TNKS: variants seen among roughly 807,000 people sequenced by gnomAD.
TNKS encodes tankyrase.
In TNKS, 72 loss-of-function variants were observed where a neutral mutation model predicts 135.8. That is an observed-to-expected ratio of 0.53 (90% confidence interval 0.44 to 0.64). The LOEUF is 0.64. Ranked by LOEUF, TNKS falls within the 30% of genes least tolerant of loss-of-function variation. The pLI, the probability that TNKS is intolerant of heterozygous loss-of-function variation, is 0.00. For missense variants in TNKS, 1,769 were observed against 1,674.0 expected (o/e 1.06, Z -0.99); for synonymous variants, 849 against 649.3 (o/e 1.31, Z -4.68).
rs577271315 is a variant in TNKS at position 9,771,221 on chromosome 8, GGGAGGGAGAGAGCGAGGAAA to G, written c.3897+968_3897+987del. Among the ~76,000 whole-genome samples, 102 of 147,406 alleles carry G rather than the reference GGGAGGGAGAGAGCGAGGAAA, an allele frequency of 6.9e-4. 1 individual carries two copies. Among genetic ancestry groups the G allele is most frequent in the Non-Finnish European group, 1.3e-3 (86 of 66,740 alleles). On this transcript the variant is annotated intron_variant, in intron 26 of 26. Coordinates refer to ENST00000310430, the MANE Select transcript of TNKS (RefSeq NM_003747.3). ...AGTGAGGGAGGAAGAGAGAGAGGAA[GGGAGGGAGAGAGCGAGGAAA>G]GGAGGGAGGGAGGAAGGAAGTGAGG...
intron 2 of TNKS, among the ~76,000 whole-genome samples, chr8:9,588,779 C>T (rs1187219396): frequency 6.6e-6 from 1 of 152,134 alleles, no homozygotes. Context: ...TAAAGGTTTA[C>T]TGTGTGAAGT....
intron 2 of TNKS, among the ~76,000 whole-genome samples, chr8:9,587,989 G>T (rs1798452846): frequency 6.6e-6 from 1 of 152,122 alleles, no homozygotes; most frequent in South Asian, 2.1e-4. Context: ...AGTTTTTTAT[G>T]TTGGCAAATA....
chr8:9,590,959 G>C (rs992363275), intron 2 of TNKS, among the ~76,000 whole-genome samples: 1 of 152,078 alleles, frequency 6.6e-6, no homozygotes, highest in Non-Finnish European at 1.5e-5. Context: ...TTGTGCTTTG[G>C]TATCTTATCT....
intron 6 of TNKS, among the ~76,000 whole-genome samples, chr8:9,705,669 A>T (rs1394132172): frequency 6.6e-6 from 1 of 152,208 alleles, no homozygotes; most frequent in Non-Finnish European, 1.5e-5. Flanking sequence ...GCTCTTGTAC[A>T]TCTCTATTTC....
At chr8:9,723,416 A>T (rs1030959826) in intron 12 of TNKS, among the ~76,000 whole-genome samples, 23 of 74,782 alleles carry the variant, frequency 3.1e-4, no homozygotes, top group African/African-American at 8.3e-4. Flanking sequence ...TACACTTGTT[A>T]ATACGGGTTT....
At chr8:9,690,119 G>T (rs1030583184) in intron 5 of TNKS, among the ~76,000 whole-genome samples, 1 of 152,118 alleles carries the variant, frequency 6.6e-6, no homozygotes, top group African/African-American at 2.4e-5. Flanking sequence ...CTCATTCGAT[G>T]ATGAAAACCT....
rs141141500 is a variant in TNKS at position 9,683,135 on chromosome 8, C to T, written c.1107+2335C>T. On this transcript the variant is annotated intron_variant, in intron 5 of 26. Transcript: ENST00000310430. Reference sequence around the variant, plus strand: ...CCTATTTAGATATTATTCTCATTTACGGCACAGAGTAATTCTTATTAAATG... The same window carrying T: ...CCTATTTAGATATTATTCTCATTTATGGCACAGAGTAATTCTTATTAAATG... 2.1e-3 allele frequency among the ~76,000 whole-genome samples: 315 copies of T among 151,988 alleles called. 1 individual carries two copies. Among genetic ancestry groups the T allele is most frequent in the African/African-American group, 6.7e-3 (278 of 41,534 alleles).
chr8:9,647,302 A>C (rs892910087), intron 3 of TNKS, among the ~76,000 whole-genome samples: 11 of 152,272 alleles, frequency 7.2e-5, no homozygotes, highest in African/African-American at 2.4e-4. Context: ...ATTGTTGCTG[A>C]GTACAAGGGA....
intron 5 of TNKS, among the ~76,000 whole-genome samples, chr8:9,697,091 C>T (rs995596443): frequency 6.6e-6 from 1 of 152,020 alleles, no homozygotes; most frequent in African/African-American, 2.4e-5. Context: ...GGCACTGATA[C>T]AAAAAACAGA....
At chr8:9,598,249 G>A (rs989224806) in intron 2 of TNKS, among the ~76,000 whole-genome samples, 8 of 151,986 alleles carry the variant, frequency 5.3e-5, no homozygotes, top group Non-Finnish European at 7.4e-5. Flanking sequence ...GGGTTTCACC[G>A]TGTTAGCCAG....
chr8:9,753,451 C>A (rs1331426108), intron 20 of TNKS, among the ~76,000 whole-genome samples: 1 of 152,126 alleles, frequency 6.6e-6, no homozygotes. Flanking sequence ...ATTTTGGGAT[C>A]CATCTTAAAT....
chr8:9,733,190 C>T (rs527811502), intron 14 of TNKS, 89 bp from the exon 15 acceptor site: 7 of 1,288,676 alleles, frequency 5.4e-6, no homozygotes, highest in Admixed American at 5.2e-5. Flanking sequence ...ATAGTCAGTA[C>T]CATAGAAGAA....
At chr8:9,578,369 A>G (rs1470768521) in intron 1 of TNKS, among the ~76,000 whole-genome samples, 1 of 152,236 alleles carries the variant, frequency 6.6e-6, no homozygotes, top group Non-Finnish European at 1.5e-5. Flanking sequence ...TTTAAAAAAC[A>G]AAACCAGGAA....
intron 7 of TNKS, among the ~76,000 whole-genome samples, 187 bp from the exon 8 acceptor site, chr8:9,706,624 C>G (rs1409824746): frequency 6.6e-6 from 1 of 152,130 alleles, no homozygotes; most frequent in Non-Finnish European, 1.5e-5. Flanking sequence ...AAACATATTA[C>G]CATTGCCTTA....
At position 9,782,306 on chromosome 8, in the gene TNKS, C is replaced by T. The variant is rs903939803; in HGVS notation, c.*5570C>T. On this transcript the variant is annotated 3_prime_UTR_variant, in exon 27 of 27. Coordinates refer to ENST00000310430, the MANE Select transcript of TNKS (RefSeq NM_003747.3). The stretch of plus-strand genomic sequence containing the variant: ...TTGGCTTAATGTCTAGCTCACTGTA[C>T]TTGTAAATGATTAATATTCAATAAA... 2.0e-5 allele frequency: 3 copies of T among 152,634 alleles called. No homozygotes were observed. Among genetic ancestry groups the T allele is most frequent in the Non-Finnish European group, 4.4e-5 (3 of 68,046 alleles). 9.5% of individuals were successfully genotyped at this position (152,634 alleles called of 1,614,324 possible). A position where few individuals can be genotyped will look rare whatever the true frequency, so the allele number is the denominator to read the frequency against.
At chr8:9,702,862 A>G (rs1270428454) in intron 5 of TNKS, among the ~76,000 whole-genome samples, 1 of 152,174 alleles carries the variant, frequency 6.6e-6, no homozygotes, top group African/African-American at 2.4e-5. Context: ...GTGAAAATAC[A>G]AAAATTAGCT....
At chr8:9,747,499 T>G (rs910701870) in intron 17 of TNKS, among the ~76,000 whole-genome samples, 13 of 152,222 alleles carry the variant, frequency 8.5e-5, no homozygotes, top group African/African-American at 3.1e-4. Context: ...CCAATTTTCA[T>G]AAAATGTTAT....
At position 9,556,460 on chromosome 8, in the gene TNKS, C is replaced by G; in HGVS notation, c.521C>G (p.Thr174Arg). The change falls in exon 1 of 27, where the codon ACA becomes AGA. Residue 174 changes from threonine to arginine, a missense_variant. Physicochemically the swap from Thr to Arg is moderately conservative, Grantham distance 71. Coordinates refer to ENST00000310430, the MANE Select transcript of TNKS (RefSeq NM_003747.3). ...PLGPGAAGPG[T>R]GVPAVSGALR... ...GGGCCTGGGGCAGCAGGACCTGGGA[C>G]AGGGGTCCCAGCAGTGAGCGGGGCC... is the stretch of plus-strand genomic sequence containing the variant. 2 of 1,614,120 alleles carry G rather than the reference C, an allele frequency of 1.2e-6. No homozygotes were observed. The highest frequency in any genetic ancestry group is 1.7e-6 in the Non-Finnish European group (2 of 1,180,032).
rs1310316801 is a variant in TNKS, at chr8:9,770,373, C to G, written c.3897+111C>G. The stretch of plus-strand genomic sequence containing the variant: ...AGTGAAATATCCACCACACAGTGTG[C>G]TAGTATTAATTACTTCAGATACAAA... On this transcript the variant is annotated intron_variant, in intron 26 of 26. Transcript: ENST00000310430. 3.5e-6 allele frequency: 4 copies of G among 1,131,296 alleles called. No homozygotes were observed. In the East Asian group the frequency reaches 7.9e-5, roughly 22 times the overall value. 70.1% of individuals were successfully genotyped at this position (1,131,296 alleles called of 1,614,324 possible). A position where few individuals can be genotyped will look rare whatever the true frequency, so the allele number is the denominator to read the frequency against.
Sources: gnomAD v4.1 joint callset for allele counts (sites outside exome capture counted in the v4.1 genomes callset) on GRCh38, gnomAD v4.1.1 for gene constraint, MANE v1.5 for transcripts, NCBI Gene and HGNC (gene_info 2026-07-23, HGNC 2026-07-21) for gene names.